Variants in VPS13B observed in about 807,000 individuals in gnomAD.
The protein encoded by VPS13B is intermembrane lipid transfer protein VPS13B.
In VPS13B, 285 loss-of-function variants were observed where a neutral mutation model predicts 426.4. The observed-to-expected ratio is 0.67, with a 90% confidence interval of 0.61 to 0.74. The LOEUF (loss-of-function observed/expected upper bound fraction) is 0.74, where lower values mean the gene tolerates loss of function less well. Among genes scored for constraint, VPS13B ranks in the 30% least tolerant of loss-of-function variants. The pLI is 0.00. For synonymous variants in VPS13B, 1,676 were observed against 1,676.4 expected, an observed-to-expected ratio of 1.00 and a Z score of 0.01; for missense variants, 4,537 against 4,782.6, an observed-to-expected ratio of 0.95 and a Z score of 1.51.
chr8:99,141,668 A>G (rs1247964693), intron 12 of VPS13B, among the ~76,000 whole-genome samples: 8 of 152,144 alleles, frequency 5.3e-5, no homozygotes, highest in Admixed American at 5.2e-4. Context: ...TTGGGCTTAT[A>G]GATTTTTACT....
intron 23 of VPS13B, among the ~76,000 whole-genome samples, chr8:99,447,164 G>A (rs1453081008): frequency 6.6e-6 from 1 of 152,022 alleles, no homozygotes; most frequent in Non-Finnish European, 1.5e-5. Flanking sequence ...TTGAAGCCTG[G>A]CCTGAAAGAT....
intron 31 of VPS13B, among the ~76,000 whole-genome samples, chr8:99,570,110 A>C (rs1195417478): frequency 6.6e-6 from 1 of 152,110 alleles, no homozygotes; most frequent in Non-Finnish European, 1.5e-5. Context: ...TCTCCAGCTG[A>C]ATTTAATATC....
At chr8:99,607,345 A>G (rs553236126) in intron 33 of VPS13B, among the ~76,000 whole-genome samples, 15 of 152,316 alleles carry the variant, frequency 9.8e-5, no homozygotes, top group African/African-American at 3.6e-4. Flanking sequence ...ATGGTAGTTT[A>G]TCTTATGCAT....
chr8:99,295,694 A>G (rs1398912826), intron 19 of VPS13B, among the ~76,000 whole-genome samples: 1 of 152,146 alleles, frequency 6.6e-6, no homozygotes, highest in Non-Finnish European at 1.5e-5. Context: ...AGAGAGTAGC[A>G]TACTGTATAT....
At chr8:99,234,312 C>T (rs1816520309) in intron 17 of VPS13B, 2 of 757,224 alleles carry the variant, frequency 2.6e-6, no homozygotes, top group East Asian at 2.5e-5. Flanking sequence ...TCCACATTCT[C>T]CACTATCCCG....
At chr8:99,864,905 T>C (rs1050436340) in intron 58 of VPS13B, among the ~76,000 whole-genome samples, 13 of 152,144 alleles carry the variant, frequency 8.5e-5, no homozygotes, top group Admixed American at 2.0e-4. Flanking sequence ...GACTGAACAA[T>C]TGCAAGTTCC....
At chr8:99,708,302 C>T (rs966566507) in intron 36 of VPS13B, among the ~76,000 whole-genome samples, 2 of 152,162 alleles carry the variant, frequency 1.3e-5, no homozygotes, top group Non-Finnish European at 2.9e-5. Flanking sequence ...TATCCTCCAT[C>T]ACCCTTTGGT....
At chr8:99,581,879 G>A (rs1826079467) in intron 33 of VPS13B, among the ~76,000 whole-genome samples, 1 of 152,198 alleles carries the variant, frequency 6.6e-6, no homozygotes, top group Admixed American at 6.5e-5. Context: ...CGCTGCGATA[G>A]TTCACCATCC....
At chr8:99,193,243 C>T (rs1007104098) in intron 17 of VPS13B, among the ~76,000 whole-genome samples, 186 bp downstream of exon 17, 8 of 152,148 alleles carry the variant, frequency 5.3e-5, no homozygotes, top group Non-Finnish European at 8.8e-5. Context: ...TTTATTTCCT[C>T]GTACCTATTT....
chr8:99,233,290 G>GT, intron 17 of VPS13B: 2 of 1,133,386 alleles, frequency 1.8e-6, no homozygotes, highest in Non-Finnish European at 2.7e-6. Flanking sequence ...CCGGCCAGCT[G>GT]TGGAAGAGAG....
chr8:99,805,993 G>A (rs1391153344), intron 43 of VPS13B, among the ~76,000 whole-genome samples: 1 of 152,210 alleles, frequency 6.6e-6, no homozygotes, highest in East Asian at 1.9e-4. Context: ...TCAGGCAGAA[G>A]GGATAGTTAT....
intron 30 of VPS13B, among the ~76,000 whole-genome samples, chr8:99,554,044 A>T (rs1824416391): frequency 6.6e-6 from 1 of 151,970 alleles, no homozygotes; most frequent in African/African-American, 2.4e-5. Context: ...AAAAAATGGG[A>T]AATTTCAAGC....
intron 59 of VPS13B, among the ~76,000 whole-genome samples, chr8:99,869,352 G>A (rs578169560): frequency 2.6e-5 from 4 of 152,282 alleles, no homozygotes; most frequent in Admixed American, 1.3e-4. Flanking sequence ...CTCCTCAGCA[G>A]GCCTGACAAG....
At chr8:99,721,983 C>T (rs531086597) in intron 39 of VPS13B, among the ~76,000 whole-genome samples, 2 of 152,250 alleles carry the variant, frequency 1.3e-5, no homozygotes, top group African/African-American at 4.8e-5. Flanking sequence ...ATATCACTTC[C>T]CTAACTTAAA....
intron 19 of VPS13B, among the ~76,000 whole-genome samples, chr8:99,342,897 AC>A (rs1036433378): frequency 2.6e-5 from 4 of 152,050 alleles, no homozygotes; most frequent in African/African-American, 9.7e-5. Context: ...CTGAATCCTC[AC>A]TAATACCTGT....
intron 35 of VPS13B, chr8:99,696,592 C>A: frequency 1.7e-6 from 1 of 590,710 alleles, no homozygotes; most frequent in Non-Finnish European, 3.2e-6. Flanking sequence ...GAGACCCAGT[C>A]CATCAAGGAG....
At chr8:99,822,498 G>T (rs1036911306) in intron 50 of VPS13B, among the ~76,000 whole-genome samples, 15 of 152,148 alleles carry the variant, frequency 9.9e-5, no homozygotes, top group South Asian at 2.1e-4. Flanking sequence ...TTGAATAGTT[G>T]TAAGTTGAGA....
At chr8:99,111,803 A>AT (rs1847384473) in intron 6 of VPS13B, among the ~76,000 whole-genome samples, 1 of 151,970 alleles carries the variant, frequency 6.6e-6, no homozygotes, top group African/African-American at 2.4e-5. Flanking sequence ...ATGTCTTTTT[A>AT]TTTTTTATCT....
chr8:99,579,263 C>A (rs891104664), intron 33 of VPS13B, among the ~76,000 whole-genome samples: 1 of 152,092 alleles, frequency 6.6e-6, no homozygotes, highest in Non-Finnish European at 1.5e-5. Flanking sequence ...AAATTATTAG[C>A]AGAACTCATA....
Sources: allele counts gnomAD v4.1 joint callset (sites outside exome capture counted in the v4.1 genomes callset), GRCh38; gene constraint gnomAD v4.1.1; transcripts MANE v1.5; gene names NCBI Gene and HGNC (gene_info 2026-07-23, HGNC 2026-07-21).